Variants in PIWIL1 observed in about 807,000 individuals in gnomAD.
The protein encoded by PIWIL1 is piwi like RNA-mediated gene silencing 1.
PIWIL1 carries 73 observed loss-of-function variants against 114.4 expected under a neutral mutation model. The ratio of observed to expected loss-of-function variants is 0.64; its 90% confidence interval spans 0.53 to 0.78. The LOEUF (loss-of-function observed/expected upper bound fraction) is 0.78. Ranked by LOEUF, PIWIL1 falls within the 30% of genes least tolerant of loss-of-function variation. PIWIL1 has a pLI of 0.00. For synonymous variants in PIWIL1, 375 were observed against 369.0 expected (o/e 1.02, Z -0.19); for missense variants, 723 against 1,063.1 (o/e 0.68, Z 4.45).
chr12:130,424,365 C>T, the PIWIL1 span: 1 of 1,232,690 alleles, frequency 8.1e-7, no homozygotes, highest in Non-Finnish European at 1.0e-6. The surrounding 1 kb of genome is among the most constrained non-coding windows in gnomAD (Gnocchi z 9.8). Context: ...CTCCTCCACG[C>T]TGCTCTGCCG....
the PIWIL1 span, among the ~76,000 whole-genome samples, chr12:130,411,090 A>G: frequency 6.6e-6 from 1 of 152,184 alleles, no homozygotes; most frequent in Non-Finnish European, 1.5e-5. Flanking sequence ...TAAGTAGTTC[A>G]TGTTTTGTTG....
chr12:130,349,587 C>G, intron 8 of PIWIL1, 151 bp downstream of exon 8: 1 of 632,254 alleles, frequency 1.6e-6, no homozygotes, highest in South Asian at 2.0e-5. Flanking sequence ...TTCCCAGGAT[C>G]ATAGTTTTGG....
the PIWIL1 span, among the ~76,000 whole-genome samples, chr12:130,405,290 G>C: frequency 1.3e-5 from 2 of 152,198 alleles, no homozygotes; most frequent in Admixed American, 6.5e-5. Context: ...CTCACCAAAG[G>C]CAAATCAGAA....
chr12:130,342,978 A>C lies in PIWIL1; in HGVS notation c.79-12A>C. ...GACGAAAAGAATGTTCTTTATTTGC[A>C]TGTAACTACAGAGTCAGCAACCTGG... On this transcript the variant is annotated splice_polypyrimidine_tract_variant and intron_variant, in intron 2 of 20. Coordinates refer to ENST00000245255, the MANE Select transcript of PIWIL1 (RefSeq NM_004764.5). 1 of 1,596,574 alleles carries C rather than the reference A, an allele frequency of 6.3e-7. No homozygotes were observed. Among genetic ancestry groups the C allele is most frequent in the Non-Finnish European group, 8.6e-7 (1 of 1,164,070 alleles).
chr12:130,391,247 G>A, the PIWIL1 span, among the ~76,000 whole-genome samples: 2 of 152,208 alleles, frequency 1.3e-5, no homozygotes, highest in African/African-American at 4.8e-5. Context: ...CCTTCTCACC[G>A]TCTCCGCTTC....
chr12:130,367,332 A>G, intron 19 of PIWIL1, 74 bp downstream of exon 19: 3 of 1,329,174 alleles, frequency 2.3e-6, no homozygotes, highest in South Asian at 1.8e-5. Flanking sequence ...CCTATGCTTT[A>G]CCAATTTTAA....
At chr12:130,414,056 G>A in the PIWIL1 span, 3 of 1,509,932 alleles carry the variant, frequency 2.0e-6, no homozygotes, top group Admixed American at 3.4e-5. Flanking sequence ...CCTGTTGCCA[G>A]TCTCTGCCCC....
the PIWIL1 span, among the ~76,000 whole-genome samples, chr12:130,412,450 T>A: frequency 2.0e-5 from 3 of 152,168 alleles, no homozygotes; most frequent in Non-Finnish European, 4.4e-5. Context: ...GCAGTCCTGG[T>A]TCGTAGGGTG....
the PIWIL1 span, among the ~76,000 whole-genome samples, chr12:130,379,373 GT>G: frequency 6.6e-6 from 1 of 151,928 alleles, no homozygotes; most frequent in African/African-American, 2.4e-5. Flanking sequence ...TTCCTTGACA[GT>G]TCCTTCAACT....
intron 18 of PIWIL1, among the ~76,000 whole-genome samples, chr12:130,364,011 C>T (rs1430994621): frequency 6.6e-6 from 1 of 152,120 alleles, no homozygotes; most frequent in Non-Finnish European, 1.5e-5. Flanking sequence ...TTTTTGTCTT[C>T]CTCTGCTCTC....
At position 130,343,002 on chromosome 12, in the gene PIWIL1, G is replaced by C. The variant is rs2072967272; in HGVS notation, c.91G>C (p.Gly31Arg). 6.2e-7 allele frequency: 1 copy of C among 1,613,680 alleles called. No individual in the cohort carries two copies. The highest frequency in any genetic ancestry group is 1.3e-5 in the African/African-American group (1 of 75,036). ...LVGSTASQQP[G>R]YIQPRPQPPP... ...CATGTAACTACAGAGTCAGCAACCT[G>C]GTTATATTCAGCCTAGGCCTCAGCC... The change falls in exon 3 of 21, where the codon GGT becomes CGT. Residue 31 changes from glycine (G) to arginine (R), a missense_variant. This residue lies in a region of PIWIL1 where 91 missense variants were observed against 76.2 expected (regional missense o/e 1.19). Transcript: ENST00000245255.
chr12:130,420,180 T>G, the PIWIL1 span, among the ~76,000 whole-genome samples: 1 of 152,212 alleles, frequency 6.6e-6, no homozygotes, highest in African/African-American at 2.4e-5. The surrounding 1 kb of genome is among the most constrained non-coding windows in gnomAD (Gnocchi z 4.3). Context: ...TGCCGAGTCC[T>G]CCTCCTCCTC....
At chr12:130,375,602 T>C (rs2073861160), downstream of PIWIL1, among the ~76,000 whole-genome samples, 1 of 152,228 alleles carries the variant, frequency 6.6e-6, no homozygotes, top group Non-Finnish European at 1.5e-5. Flanking sequence ...AGGATGTTGT[T>C]TTGGAATCTC....
At chr12:130,355,716 C>T (rs1441373142) in intron 12 of PIWIL1, 49 bp downstream of exon 12, 10 of 1,273,598 alleles carry the variant, frequency 7.9e-6, no homozygotes, top group East Asian at 6.9e-5. Flanking sequence ...GACGGAGTCT[C>T]GCTCTGTCCC....
chr12:130,371,481 G>A lies in PIWIL1; in HGVS notation c.2470-1G>A. 2 of 1,613,748 alleles carry A rather than the reference G, an allele frequency of 1.2e-6. No homozygotes were observed. On this transcript the variant is annotated splice_acceptor_variant, in intron 20 of 20. Transcript: ENST00000245255. LOFTEE classifies it high-confidence loss of function. ...AGAACCTTTTTTTCCTTCCACTAAA[G>A]GGTGTCATTCGTGTTCCTGCTCCTT... is the stretch of plus-strand genomic sequence containing the variant.
rs761873436 is a variant in PIWIL1, at chr12:130,354,556, C to G, written c.1064C>G (p.Thr355Ser). The part of the protein sequence containing the change: ...YYRKQYNQEI[T>S]DLKQPVLVSQ... ...GAGCAGCAATACAACCAAGAGATCA[C>G]CGACTTGAAGCAGCCTGTCTTGGTC... Residue 355 changes from threonine (T) to serine (S), a missense_variant, in exon 10 of 21, where the codon ACC becomes AGC. Coordinates refer to ENST00000245255, the MANE Select transcript of PIWIL1 (RefSeq NM_004764.5). 6.8e-6 allele frequency: 11 copies of G among 1,614,140 alleles called. No homozygotes were observed. The highest frequency in any genetic ancestry group is 4.2e-6 in the Non-Finnish European group (5 of 1,180,022).
the PIWIL1 span, among the ~76,000 whole-genome samples, chr12:130,419,371 G>A: frequency 1.3e-5 from 2 of 152,154 alleles, no homozygotes; most frequent in Admixed American, 1.3e-4. The surrounding 1 kb of genome is among the most constrained non-coding windows in gnomAD (Gnocchi z 4.3). Flanking sequence ...TGGACGCCTG[G>A]GTGGGCTCCC....
downstream of PIWIL1, among the ~76,000 whole-genome samples, chr12:130,375,921 C>A (rs1369947303): frequency 6.6e-6 from 1 of 152,166 alleles, no homozygotes; most frequent in Non-Finnish European, 1.5e-5. Flanking sequence ...TTCCACGATG[C>A]CATGCTCTCT....
chr12:130,360,062 G>A (rs572841871), intron 14 of PIWIL1, among the ~76,000 whole-genome samples: 12 of 152,280 alleles, frequency 7.9e-5, no homozygotes, highest in East Asian at 1.9e-4. Flanking sequence ...CTTCTGCCCC[G>A]TTGAGTTTTC....
Sources: gnomAD v4.1 joint callset for allele counts (sites outside exome capture counted in the v4.1 genomes callset) on GRCh38, gnomAD v4.1.1 for gene constraint, gnomAD v4.1.1 regional missense constraint, Gnocchi (gnomAD v3.1) non-coding constraint, MANE v1.5 for transcripts, NCBI Gene and HGNC (gene_info 2026-07-23, HGNC 2026-07-21) for gene names.